Variants in MTUS2 observed in about 807,000 individuals in gnomAD.
MTUS2 encodes the protein microtubule-associated tumor suppressor candidate 2.
In MTUS2, 40 loss-of-function variants were observed where a neutral mutation model predicts 114.1. The ratio of observed to expected loss-of-function variants is 0.35; its 90% CI spans 0.27 to 0.46. The LOEUF (loss-of-function observed/expected upper bound fraction) is 0.46. Ranked by LOEUF, MTUS2 falls within the 20% of genes least tolerant of loss-of-function variation. The pLI, the probability that MTUS2 is intolerant of heterozygous loss-of-function variation, is 1.00. For synonymous variants in MTUS2, 688 were observed against 672.0 expected, an observed-to-expected ratio of 1.02 and a Z score of -0.37; for missense variants, 1,679 against 1,705.4, an observed-to-expected ratio of 0.98 and a Z score of 0.27.
intron 5 of MTUS2, among the ~76,000 whole-genome samples, chr13:29,161,032 T>C (rs571413395): frequency 7.2e-5 from 11 of 152,108 alleles, no homozygotes; most frequent in Non-Finnish European, 1.6e-4. Flanking sequence ...TGGAGGAAGG[T>C]GAGTGTGGTT....
chr13:29,290,220 G>A (rs1898648914), intron 6 of MTUS2, among the ~76,000 whole-genome samples: 1 of 152,190 alleles, frequency 6.6e-6, no homozygotes, highest in South Asian at 2.1e-4. Context: ...CCAGTTAAAA[G>A]GTAGCTCTTT....
At position 29,246,307 on chromosome 13, in the gene MTUS2, A is replaced by G. The variant is rs902041234; in HGVS notation, c.2645-35397A>G. 1.1e-4 allele frequency among the ~76,000 whole-genome samples: 16 copies of G among 152,314 alleles called. No homozygotes were observed. The East Asian group carries it at 3.1e-3, about 29-fold the overall frequency. ...AAGGAAGGAAACTATGAGAAGATAA[A>G]GGGTCCAACATCCGAGGCAGACCTA... On this transcript the variant is annotated intron_variant, in intron 5 of 15. Coordinates refer to ENST00000612955, the MANE Select transcript of MTUS2 (RefSeq NM_001033602.4).
At chr13:28,993,748 C>G (rs549837960) in intron 2 of MTUS2, among the ~76,000 whole-genome samples, 5 of 152,156 alleles carry the variant, frequency 3.3e-5, no homozygotes, top group Admixed American at 2.6e-4. Context: ...GTTCTCTATT[C>G]CATTCCATTG....
At chr13:28,919,593 C>G (rs554268885) in intron 2 of MTUS2, among the ~76,000 whole-genome samples, 1 of 152,058 alleles carries the variant, frequency 6.6e-6, no homozygotes, top group Non-Finnish European at 1.5e-5. Flanking sequence ...CCTTCTTGCA[C>G]TTGAATATTG....
At chr13:28,861,175 C>T (rs931325248) in intron 2 of MTUS2, among the ~76,000 whole-genome samples, 6 of 152,052 alleles carry the variant, frequency 3.9e-5, no homozygotes, top group Admixed American at 2.0e-4. Flanking sequence ...TAGGATGGTA[C>T]GTACAATGGG....
intron 7 of MTUS2, chr13:29,339,535 C>T (rs113736557): frequency 0.077 from 11,891 of 154,064 alleles, 1,480 homozygotes; most frequent in African/African-American, 0.26. Flanking sequence ...TACAGGCTCC[C>T]CTCTGTGCTC....
intron 5 of MTUS2, among the ~76,000 whole-genome samples, chr13:29,259,011 C>T (rs996868732): frequency 2.6e-5 from 4 of 152,220 alleles, no homozygotes; most frequent in Non-Finnish European, 5.9e-5. Flanking sequence ...GCATATCAAC[C>T]TTAGTTTATG....
chr13:29,150,106 C>A (rs988117296), intron 5 of MTUS2, among the ~76,000 whole-genome samples: 1 of 152,110 alleles, frequency 6.6e-6, no homozygotes, highest in Non-Finnish European at 1.5e-5. Flanking sequence ...TTGCTTTGGA[C>A]AGTGTGGCCA....
chr13:29,491,797 C>T (rs1477688646), intron 11 of MTUS2, among the ~76,000 whole-genome samples: 6 of 120,568 alleles, frequency 5.0e-5, no homozygotes, highest in African/African-American at 1.3e-4. Flanking sequence ...TTGTATGTAG[C>T]GTATGTGATG....
At chr13:29,375,580 T>TAAA (rs1566163493) in intron 8 of MTUS2, among the ~76,000 whole-genome samples, 3 of 3,872 alleles carry the variant, frequency 7.7e-4, no homozygotes, top group South Asian at 0.015. Context: ...TATACATATA[T>TAAA]ATATATACGT....
chr13:29,271,965 T>C (rs1897896636), intron 5 of MTUS2, among the ~76,000 whole-genome samples: 1 of 152,200 alleles, frequency 6.6e-6, no homozygotes, highest in African/African-American at 2.4e-5. Context: ...GTCTTAATGC[T>C]TCCTCTTTGA....
chr13:28,984,252 C>G (rs1184458076), intron 2 of MTUS2, among the ~76,000 whole-genome samples: 3 of 152,170 alleles, frequency 2.0e-5, no homozygotes, highest in Non-Finnish European at 4.4e-5. Flanking sequence ...GCTAAATTAT[C>G]ATTGGTTTTG....
chr13:29,393,576 G>T (rs937148366), intron 8 of MTUS2, among the ~76,000 whole-genome samples: 8 of 152,208 alleles, frequency 5.3e-5, no homozygotes, highest in African/African-American at 1.7e-4. Flanking sequence ...ATGGGGAAAA[G>T]ATCACAGTTC....
intron 5 of MTUS2, among the ~76,000 whole-genome samples, chr13:29,233,832 C>T (rs999615221): frequency 4.6e-5 from 7 of 152,182 alleles, no homozygotes; most frequent in Non-Finnish European, 1.0e-4. Context: ...CCATTTTAGT[C>T]ATTCCCATTT....
chr13:28,967,787 C>G (rs980582273), intron 2 of MTUS2, among the ~76,000 whole-genome samples: 1 of 152,004 alleles, frequency 6.6e-6, no homozygotes, highest in African/African-American at 2.4e-5. Flanking sequence ...AAGAAGTAGC[C>G]CAGCATATGT....
intron 6 of MTUS2, among the ~76,000 whole-genome samples, chr13:29,309,784 G>A (rs1316533644): frequency 6.6e-6 from 1 of 151,812 alleles, no homozygotes; most frequent in Non-Finnish European, 1.5e-5. Context: ...TTTAATTTTT[G>A]TGTGTACATA....
At chr13:29,033,849 A>C in intron 3 of MTUS2, 36 bp from the exon 4 acceptor site, 1 of 1,611,744 alleles carries the variant, frequency 6.2e-7, no homozygotes, top group South Asian at 1.1e-5. Flanking sequence ...CTATGATGTG[A>C]AGGTCTCTGA....
intron 2 of MTUS2, among the ~76,000 whole-genome samples, chr13:28,981,617 T>C (rs1434842634): frequency 1.3e-5 from 2 of 152,216 alleles, no homozygotes; most frequent in Non-Finnish European, 2.9e-5. Context: ...CCCAGTATTG[T>C]TTCCCTTGAG....
At chr13:29,016,172 G>A (rs1482879796) in intron 2 of MTUS2, among the ~76,000 whole-genome samples, 1 of 152,004 alleles carries the variant, frequency 6.6e-6, no homozygotes, top group Admixed American at 6.6e-5. Flanking sequence ...CAAGATGCAG[G>A]GATTACAGGT....
Sources: gnomAD v4.1 joint callset for allele counts (sites outside exome capture counted in the v4.1 genomes callset) on GRCh38, gnomAD v4.1.1 for gene constraint, MANE v1.5 for transcripts, NCBI Gene and HGNC (gene_info 2026-07-23, HGNC 2026-07-21) for gene names.